The following SUGCT variants were observed in gnomAD, a reference collection of about 807,000 sequenced individuals.
SUGCT encodes succinyl-CoA:glutarate CoA-transferase.
Under a neutral mutation model 55.0 loss-of-function variants are expected in SUGCT, and 41 were observed. The ratio of observed to expected loss-of-function variants is 0.74; its 90% CI spans 0.58 to 0.97. SUGCT has a LOEUF of 0.97. SUGCT is among the 50% of genes least tolerant of loss of function. The pLI is 0.00. For synonymous variants in SUGCT, 187 were observed against 200.4 expected, an observed-to-expected ratio of 0.93 and a Z score of 0.56; for missense variants, 568 against 547.8, an observed-to-expected ratio of 1.04 and a Z score of -0.37.
chr7:40,823,448 T>C (rs1792133199), intron 13 of SUGCT, among the ~76,000 whole-genome samples: 1 of 152,136 alleles, frequency 6.6e-6, no homozygotes, highest in African/African-American at 2.4e-5. Flanking sequence ...TTTCCTACTA[T>C]GGCGATTTCA....
At chr7:40,994,644 T>A in the SUGCT span, among the ~76,000 whole-genome samples, 2 of 152,144 alleles carry the variant, frequency 1.3e-5, no homozygotes, top group Admixed American at 6.5e-5. Context: ...GTCCATGTGG[T>A]CTGCTAAAAT....
chr7:40,963,668 G>C, the SUGCT span, among the ~76,000 whole-genome samples: 31 of 152,242 alleles, frequency 2.0e-4, no homozygotes, highest in African/African-American at 7.0e-4. Context: ...GGGGAATATT[G>C]CTTACATATA....
chr7:40,773,572 T>A (rs923698630), intron 13 of SUGCT, among the ~76,000 whole-genome samples: 7 of 152,204 alleles, frequency 4.6e-5, no homozygotes, highest in Non-Finnish European at 7.3e-5. Context: ...TCAATGTACA[T>A]TTGCTTCAAA....
chr7:40,172,296 C>A (rs1784714055), intron 1 of SUGCT, among the ~76,000 whole-genome samples: 1 of 152,048 alleles, frequency 6.6e-6, no homozygotes, highest in South Asian at 2.1e-4. Flanking sequence ...GGAATCCTAG[C>A]CATTTACAAA....
At chr7:40,295,839 C>T (rs1299964993) in intron 8 of SUGCT, among the ~76,000 whole-genome samples, 1 of 152,062 alleles carries the variant, frequency 6.6e-6, no homozygotes. Context: ...CTCCTTACAC[C>T]CCCTTATCTC....
At chr7:40,787,378 T>C (rs1302183186) in intron 13 of SUGCT, among the ~76,000 whole-genome samples, 1 of 151,992 alleles carries the variant, frequency 6.6e-6, no homozygotes, top group African/African-American at 2.4e-5. Context: ...AATGACCTAC[T>C]AGAAATGGTG....
chr7:40,281,087 AT>A (rs1295764686), intron 8 of SUGCT, among the ~76,000 whole-genome samples: 5 of 152,220 alleles, frequency 3.3e-5, no homozygotes, highest in Non-Finnish European at 7.3e-5. Flanking sequence ...ATTATTCTGC[AT>A]TTATTATTAT....
intron 12 of SUGCT, among the ~76,000 whole-genome samples, chr7:40,588,381 T>C (rs955544561): frequency 1.3e-5 from 2 of 152,126 alleles, no homozygotes; most frequent in African/African-American, 4.8e-5. Context: ...CTAGTTTTGT[T>C]ATGTATTCAT....
chr7:40,767,764 A>T (rs1788879417), intron 13 of SUGCT, among the ~76,000 whole-genome samples: 1 of 152,240 alleles, frequency 6.6e-6, no homozygotes, highest in South Asian at 2.1e-4. Context: ...GGCTTCAGGT[A>T]AATCCTTCTG....
At chr7:40,764,091 C>CA (rs1453004263) in intron 13 of SUGCT, among the ~76,000 whole-genome samples, 1 of 151,440 alleles carries the variant, frequency 6.6e-6, no homozygotes, top group Non-Finnish European at 1.5e-5. Context: ...GCACCCCCAC[C>CA]AAAAAAAAGT....
At chr7:40,941,738 T>C in the SUGCT span, among the ~76,000 whole-genome samples, 1 of 152,244 alleles carries the variant, frequency 6.6e-6, no homozygotes, top group South Asian at 2.1e-4. Context: ...GTTTTATAAA[T>C]CTGGGAGCTC....
At chr7:40,638,477 T>C (rs771278015) in intron 12 of SUGCT, among the ~76,000 whole-genome samples, 104 of 152,150 alleles carry the variant, frequency 6.8e-4, no homozygotes, top group Non-Finnish European at 8.4e-4. Flanking sequence ...TTTACATGGC[T>C]TGTATTTGCT....
chr7:41,037,577 A>G, the SUGCT span, among the ~76,000 whole-genome samples: 1 of 151,962 alleles, frequency 6.6e-6, no homozygotes, highest in East Asian at 1.9e-4. Context: ...AAATTTCTTA[A>G]CTAACCTGGA....
At chr7:40,159,233 A>C (rs1346555758) in intron 1 of SUGCT, among the ~76,000 whole-genome samples, 4 of 148,428 alleles carry the variant, frequency 2.7e-5, no homozygotes, top group African/African-American at 9.9e-5. Context: ...TAATTTCTTT[A>C]TGTCCGGTTT....
In SUGCT at chr7:40,420,802, G is replaced by GAC. The variant is rs147287632; in HGVS notation, c.817-28471_817-28470dup. 8.6e-5 allele frequency among the ~76,000 whole-genome samples: 13 copies of GAC among 151,344 alleles called. 1 individual carries two copies. In the Middle Eastern group the frequency reaches 0.01, roughly 121 times the overall value. ...AGCTGTACCCCAGGATACACACACA[G>GAC]ACACACACACACACATGCACACACC... is the stretch of plus-strand genomic sequence containing the variant. On this transcript the variant is annotated intron_variant, in intron 9 of 13. Transcript: ENST00000335693.
At chr7:40,222,592 A>G (rs979601014) in intron 6 of SUGCT, among the ~76,000 whole-genome samples, 1 of 152,218 alleles carries the variant, frequency 6.6e-6, no homozygotes, top group Non-Finnish European at 1.5e-5. Flanking sequence ...GTGTAATCCC[A>G]GCACTTTGAG....
intron 9 of SUGCT, among the ~76,000 whole-genome samples, chr7:40,391,546 C>A (rs552394040): frequency 1.3e-5 from 2 of 152,326 alleles, no homozygotes; most frequent in East Asian, 3.9e-4. Flanking sequence ...CTCAGCATCA[C>A]TGGTCATCAG....
At chr7:40,358,203 T>C (rs972918917) in intron 9 of SUGCT, among the ~76,000 whole-genome samples, 1 of 152,182 alleles carries the variant, frequency 6.6e-6, no homozygotes, top group Admixed American at 6.5e-5. Flanking sequence ...TAAAAATAAA[T>C]TGTTTAATCT....
intron 6 of SUGCT, among the ~76,000 whole-genome samples, chr7:40,217,752 T>C (rs1787756924): frequency 6.6e-6 from 1 of 152,192 alleles, no homozygotes; most frequent in East Asian, 1.9e-4. Context: ...AATTAATGAC[T>C]ATACCAGGTT....
Sources: allele counts gnomAD v4.1 joint callset (sites outside exome capture counted in the v4.1 genomes callset), GRCh38; gene constraint gnomAD v4.1.1; transcripts MANE v1.5; gene names NCBI Gene and HGNC (gene_info 2026-07-23, HGNC 2026-07-21).